Variants in SNAPC4 observed in about 807,000 individuals in gnomAD.
SNAPC4 encodes the protein small nuclear RNA activating complex polypeptide 4.
A neutral mutation model predicts 151.3 loss-of-function variants in SNAPC4; 127 were observed. The observed-to-expected ratio is 0.84, with a 90% confidence interval of 0.73 to 0.97. The LOEUF is 0.97. Ranked by LOEUF, SNAPC4 falls within the 50% of genes least tolerant of loss-of-function variation. The probability of loss-of-function intolerance (pLI) is 0.00; values close to 1 mark genes in which losing one functional copy is unlikely to be tolerated. For synonymous variants in SNAPC4, 1,002 were observed against 824.4 expected (o/e 1.22, Z -3.69); for missense variants, 2,186 against 1,935.0 (o/e 1.13, Z -2.43).
At chr9:136,377,267 C>T (rs945282007) in intron 22 of SNAPC4, among the ~76,000 whole-genome samples, 1 of 152,246 alleles carries the variant, frequency 6.6e-6, no homozygotes, top group Non-Finnish European at 1.5e-5. Flanking sequence ...CAGACAAGGC[C>T]ACCTGGCTGG....
rs763209194 is a variant in SNAPC4 at position 136,392,681 on chromosome 9, C to T, written c.729G>A (p.Gln243=). 7 of 1,613,808 alleles carry T rather than the reference C, an allele frequency of 4.3e-6. No individual in the cohort carries two copies. Among genetic ancestry groups the T allele is most frequent in the Non-Finnish European group, 1.7e-6 (2 of 1,180,006 alleles). The change falls in exon 8 of 24, where the codon CAG becomes CAA. Residue 243 remains glutamine (Q), a synonymous_variant. Transcript: ENST00000684778. ...KQGREAEKEI[Q]DINQLPEEAL... ...CGGGAGGCCCCCCTCACTTGATGTC[C>T]TGGATCTCCTTCTCGGCTTCCCTGC... is the stretch of plus-strand genomic sequence containing the variant.
chr9:136,385,239 C>A (rs1340386771), intron 13 of SNAPC4, among the ~76,000 whole-genome samples: 1 of 152,176 alleles, frequency 6.6e-6, no homozygotes, highest in African/African-American at 2.4e-5. Flanking sequence ...CACAAGACAC[C>A]ACTTCACACC....
rs747075983 is a variant in SNAPC4, at chr9:136,396,962, C to A, written c.177+15G>T. The stretch of plus-strand genomic sequence containing the variant: ...GCCTGACCCAGTGGCACAGCCAGAT[C>A]AGGCCAACAGTTACCGAGATCGGGG... On this transcript the variant is annotated intron_variant, in intron 3 of 23. Coordinates refer to ENST00000684778, the MANE Select transcript of SNAPC4 (RefSeq NM_003086.4). 4 of 1,612,348 alleles carry A rather than the reference C, an allele frequency of 2.5e-6. No homozygotes were observed. In the Admixed American group the frequency reaches 5.0e-5, roughly 20 times the overall value.
chr9:136,379,934 T>C (rs1355989087), intron 20 of SNAPC4, 70 bp from the exon 21 acceptor site: 1 of 1,508,356 alleles, frequency 6.6e-7, no homozygotes, highest in Non-Finnish European at 9.1e-7. Context: ...TCTCCTAGCA[T>C]CTGGACTATC....
At position 136,387,723 on chromosome 9, in the gene SNAPC4, TAGGGTCCCGCACACTTAC is replaced by T; in HGVS notation, c.1230+1_1230+18del. On this transcript the variant is annotated splice_donor_variant and splice_donor_5th_base_variant and intron_variant, in intron 12 of 23. Coordinates refer to ENST00000684778, the MANE Select transcript of SNAPC4 (RefSeq NM_003086.4). LOFTEE classifies it high-confidence loss of function. ...TTACCTTCCCAGAGCCCAGTTCTCC[TAGGGTCCCGCACACTTAC>T]AGCATCTTCCTCCGGGGCCCAGTAA... 1 of 1,522,460 alleles carries T rather than the reference TAGGGTCCCGCACACTTAC, an allele frequency of 6.6e-7. No homozygotes were observed. Among genetic ancestry groups the T allele is most frequent in the Non-Finnish European group, 9.1e-7 (1 of 1,096,392 alleles). The allele number at this position is 1,522,460 out of a possible 1,614,324, so 94.3% of individuals were successfully genotyped here.
intron 7 of SNAPC4, among the ~76,000 whole-genome samples, chr9:136,393,333 G>C (rs1417670492): frequency 6.6e-6 from 1 of 152,188 alleles, no homozygotes; most frequent in Non-Finnish European, 1.5e-5. Context: ...CTGGCAGCTT[G>C]TATTCTAAAG....
At chr9:136,384,406 C>G (rs896541687) in intron 14 of SNAPC4, among the ~76,000 whole-genome samples, 3 of 152,218 alleles carry the variant, frequency 2.0e-5, no homozygotes, top group Non-Finnish European at 4.4e-5. Context: ...GCCACAGTAT[C>G]TGGTGTGTCC....
chr9:136,383,113 T>G lies in SNAPC4; in HGVS notation c.1983+73A>C. On this transcript the variant is annotated intron_variant, in intron 16 of 23. Transcript: ENST00000684778. This position sits in a 1 kb window ranked among gnomAD's most constrained non-coding sequence, Gnocchi z 4.2. The stretch of plus-strand genomic sequence containing the variant: ...CCCTGGGGCCCCTGCTGCTGCACTA[T>G]CCCCAAGCGTCAGCCCTGGCGAGCG... The G allele has an allele frequency of 6.7e-7, 1 of 1,490,134 alleles. No homozygotes were observed. The highest frequency in any genetic ancestry group is 1.4e-5 in the South Asian group (1 of 72,536). The allele number at this position is 1,490,134 out of a possible 1,614,324, so 92.3% of individuals were successfully genotyped here.
Position 136,388,573 on chromosome 9 carries a change from G to A in SNAPC4, c.994C>T (p.Gln332Ter), listed in dbSNP as rs1833968201. The change falls in exon 11 of 24, where the codon CAG (glutamine) becomes TAG (stop). Residue 332 changes from glutamine to a stop codon, truncating the protein, a stop_gained. Transcript: ENST00000684778. LOFTEE classifies it high-confidence loss of function. ...EELGTSRSAF[Q>*]CLQKFQQHNK... Reference sequence around the variant, plus strand: ...TGCTGCTGGAATTTCTGCAGGCACTGGAAGGCGCTGCGGCTGGTCTTCCCA... The same window carrying A: ...TGCTGCTGGAATTTCTGCAGGCACTAGAAGGCGCTGCGGCTGGTCTTCCCA... 1 of 1,614,072 alleles carries A rather than the reference G, an allele frequency of 6.2e-7. No individual in the cohort carries two copies. Among genetic ancestry groups the A allele is most frequent in the Admixed American group, 1.7e-5 (1 of 60,028 alleles).
chr9:136,381,625 G>A (rs1469245392), intron 18 of SNAPC4, among the ~76,000 whole-genome samples, 199 bp downstream of exon 18: 1 of 152,188 alleles, frequency 6.6e-6, no homozygotes, highest in East Asian at 1.9e-4. Flanking sequence ...AGAGTGGTGG[G>A]GTAGGGAGGG....
At position 136,383,134 on chromosome 9, in the gene SNAPC4, G is replaced by A. The variant is rs1283991373; in HGVS notation, c.1983+52C>T. Reference sequence around the variant, plus strand: ...ACTATCCCCAAGCGTCAGCCCTGGCGAGCGAGTGCCGAAAGTGCACTTCCC... The same window carrying A: ...ACTATCCCCAAGCGTCAGCCCTGGCAAGCGAGTGCCGAAAGTGCACTTCCC... On this transcript the variant is annotated intron_variant, in intron 16 of 23. Transcript: ENST00000684778. The surrounding 1 kb of genome is among the most constrained non-coding windows in gnomAD (Gnocchi z 4.2). 10 of 1,506,080 alleles carry A rather than the reference G, an allele frequency of 6.6e-6. No homozygotes were observed. Among genetic ancestry groups the A allele is most frequent in the Admixed American group, 4.6e-5 (2 of 43,710 alleles). 93.3% of individuals were successfully genotyped at this position (1,506,080 alleles called of 1,614,324 possible).
chr9:136,394,853 CGT>C lies in SNAPC4; in HGVS notation c.495_496del (p.Lys168GlyfsTer31), dbSNP rs1564394930. ...CTTGATCCCCTGGGCAGCCTTCTCT[CGT>C]GTGTCCTCGTTGGCAGGTGGCCCCT... On this transcript the variant is annotated frameshift_variant, in exon 6 of 24. Coordinates refer to ENST00000684778, the MANE Select transcript of SNAPC4 (RefSeq NM_003086.4). LOFTEE classifies it high-confidence loss of function. The C allele has an allele frequency of 6.2e-7, 1 of 1,613,894 alleles. No individual in the cohort carries two copies. Among genetic ancestry groups the C allele is most frequent in the South Asian group, 1.1e-5 (1 of 91,084 alleles).
rs1314316107 is a variant in SNAPC4, at chr9:136,392,686, T to C, written c.724A>G (p.Ile242Val). ...GGCCCCCCTCACTTGATGTCCTGGA[T>C]CTCCTTCTCGGCTTCCCTGCCCTGC... ...EKQGREAEKE[I>V]QDINQLPEEA... The change falls in exon 8 of 24, where the codon ATC becomes GTC. Residue 242 changes from isoleucine (I) to valine (V), a missense_variant. Physicochemically the swap from Ile to Val is conservative, Grantham distance 29 (BLOSUM62 3). Transcript: ENST00000684778. The C allele has an allele frequency of 6.2e-7, 1 of 1,613,588 alleles. No individual in the cohort carries two copies. Among genetic ancestry groups the C allele is most frequent in the East Asian group, 2.2e-5 (1 of 44,892 alleles).
Position 136,392,088 on chromosome 9 carries a change from C to T in SNAPC4, c.829G>A (p.Ala277Thr), listed in dbSNP as rs1834095313. 1 of 1,612,430 alleles carries T rather than the reference C, an allele frequency of 6.2e-7. No individual in the cohort carries two copies. Among genetic ancestry groups the T allele is most frequent in the Non-Finnish European group, 8.5e-7 (1 of 1,179,984 alleles). ...SNINFEGSRS[A>T]EEIRKFWQNS... ...TGCCAGAACTTCCGGATCTCCTCTG[C>T]ACTGCGGCTGCCTTCAAACTGCACC... Residue 277 changes from alanine (A) to threonine (T), a missense_variant, in exon 10 of 24, where the codon GCA becomes ACA. Physicochemically the swap from Ala to Thr is moderately conservative, Grantham distance 58 (BLOSUM62 0). Transcript: ENST00000684778.
intron 1 of SNAPC4, among the ~76,000 whole-genome samples, chr9:136,399,254 G>A (rs1834372832): frequency 6.6e-6 from 1 of 152,322 alleles, no homozygotes; most frequent in East Asian, 1.9e-4. Context: ...GGCTGACTGG[G>A]GCCCTGCCCA....
chr9:136,385,259 G>A (rs1361856671), intron 13 of SNAPC4, among the ~76,000 whole-genome samples: 1 of 152,192 alleles, frequency 6.6e-6, no homozygotes, highest in African/African-American at 2.4e-5. Context: ...CCGCTAAGAT[G>A]GCTAGAATCA....
Position 136,388,355 on chromosome 9 carries a change from C to T in SNAPC4, c.1123+89G>A, listed in dbSNP as rs568967431. 2.2e-6 allele frequency: 3 copies of T among 1,384,156 alleles called. No individual in the cohort carries two copies. The Admixed American group carries it at 5.8e-5, about 27-fold the overall frequency. 85.7% of individuals were successfully genotyped at this position (1,384,156 alleles called of 1,614,324 possible). A position where few individuals can be genotyped will look rare whatever the true frequency, so the allele number is the denominator to read the frequency against. On this transcript the variant is annotated intron_variant, in intron 11 of 23. Coordinates refer to ENST00000684778, the MANE Select transcript of SNAPC4 (RefSeq NM_003086.4). ...GTCTAAGCCCTCGTCTGTCTTGTTG[C>T]TTCTCTGTGAATTTTCCCTGCAAGT...
intron 7 of SNAPC4, among the ~76,000 whole-genome samples, chr9:136,393,293 G>C (rs903074676): frequency 6.6e-6 from 1 of 152,192 alleles, no homozygotes; most frequent in Non-Finnish European, 1.5e-5. Flanking sequence ...CCCTGGCATG[G>C]CCAAAGCCCT....
chr9:136,379,289 G>A lies in SNAPC4; in HGVS notation c.2538C>T (p.Phe846=), dbSNP rs767373971. 6.6e-5 allele frequency: 106 copies of A among 1,612,512 alleles called. No individual in the cohort carries two copies. In the South Asian group the frequency reaches 1.1e-3, roughly 17 times the overall value. The change falls in exon 22 of 24, where the codon TTC becomes TTT. Residue 846 remains phenylalanine (F), a synonymous_variant. Transcript: ENST00000684778. ...SSAQSTPGHL[F]PNVPAQEASK... ...AGGCTTCTTGAGCCGGCACGTTTGG[G>A]AAGAGGTGGCCTGTGGGGAGGAAAG...
Sources: allele counts gnomAD v4.1 joint callset (sites outside exome capture counted in the v4.1 genomes callset), GRCh38; gene constraint gnomAD v4.1.1; non-coding constraint Gnocchi (gnomAD v3.1); transcripts MANE v1.5; gene names NCBI Gene and HGNC (gene_info 2026-07-23, HGNC 2026-07-21).